Variants in GUCY2C observed in about 807,000 individuals in gnomAD.
The protein encoded by GUCY2C is guanylate cyclase 2C, also known as guanylyl cyclase C.
In GUCY2C, 118 loss-of-function variants were observed where a neutral mutation model predicts 131.1. The ratio of observed to expected loss-of-function variants is 0.90; its 90% CI spans 0.78 to 1.05. The LOEUF (loss-of-function observed/expected upper bound fraction) is 1.05. GUCY2C is among the 50% of genes least tolerant of loss of function. GUCY2C has a pLI of 0.00. For missense variants in GUCY2C, 1,161 were observed against 1,304.4 expected (o/e 0.89, Z 1.69); for synonymous variants, 452 against 457.8 (o/e 0.99, Z 0.16).
chr12:14,676,250 T>G (rs771145035), intron 7 of GUCY2C, among the ~76,000 whole-genome samples: 18 of 152,246 alleles, frequency 1.2e-4, no homozygotes, highest in Non-Finnish European at 2.1e-4. Context: ...TGCATTATAA[T>G]AAGGTGGCCA....
At position 14,683,043 on chromosome 12, in the gene GUCY2C, A is replaced by G. The variant is rs778600889; in HGVS notation, c.610T>C (p.Trp204Arg). 2 of 1,602,576 alleles carry G rather than the reference A, an allele frequency of 1.2e-6. No individual in the cohort carries two copies. The highest frequency in any genetic ancestry group is 1.7e-6 in the Non-Finnish European group (2 of 1,169,686). The part of the protein sequence containing the change: ...KNGTETEDCF[W>R]YLNALEASVS... ...TGAAATATTAATGATCCTGCTTACC[A>G]GAAACAGTCCTCAGTTTCTGTACCA... is the stretch of plus-strand genomic sequence containing the variant. The change falls in exon 4 of 27, where the codon TGG becomes CGG. Residue 204 changes from tryptophan to arginine, a missense_variant and splice_region_variant. By Grantham distance (101) the Trp-to-Arg change is moderately radical. Coordinates refer to ENST00000261170, the MANE Select transcript of GUCY2C (RefSeq NM_004963.4).
At chr12:14,690,900 C>T (rs1295302935) in intron 1 of GUCY2C, among the ~76,000 whole-genome samples, 1 of 152,190 alleles carries the variant, frequency 6.6e-6, no homozygotes, top group Non-Finnish European at 1.5e-5. Context: ...AGTCCACAGT[C>T]CGGCATTATG....
intron 21 of GUCY2C, among the ~76,000 whole-genome samples, chr12:14,622,423 C>G (rs1480938448): frequency 1.3e-5 from 2 of 152,174 alleles, no homozygotes; most frequent in Non-Finnish European, 2.9e-5. Flanking sequence ...CAAGCAGGTT[C>G]AACATTAACT....
chr12:14,622,145 C>T lies in GUCY2C; in HGVS notation c.2461G>A (p.Glu821Lys), dbSNP rs1946909786. ...EKGFVEPELY[E>K]EVTIYFSDIV... ...TCACTGAAGTAGATTGTAACTTCCTCATATAGTTCCGGCTCCACAAAGCCT... is the reference window on the plus strand; with the variant it reads ...TCACTGAAGTAGATTGTAACTTCCTTATATAGTTCCGGCTCCACAAAGCCT... The change falls in exon 22 of 27, where the codon GAG becomes AAG. Residue 821 changes from glutamate to lysine, a missense_variant. By Grantham distance (56) the Glu-to-Lys change is moderately conservative. Coordinates refer to ENST00000261170, the MANE Select transcript of GUCY2C (RefSeq NM_004963.4). 1.9e-6 allele frequency: 3 copies of T among 1,598,922 alleles called. No homozygotes were observed. The highest frequency in any genetic ancestry group is 1.7e-6 in the Non-Finnish European group (2 of 1,174,148).
chr12:14,691,825 T>C (rs1209574556), intron 1 of GUCY2C, among the ~76,000 whole-genome samples: 2 of 152,198 alleles, frequency 1.3e-5, no homozygotes, highest in Non-Finnish European at 2.9e-5. Context: ...CCTCATCCAC[T>C]TGTTAATAGA....
chr12:14,654,568 C>T (rs1426030143), intron 12 of GUCY2C, among the ~76,000 whole-genome samples: 1 of 152,138 alleles, frequency 6.6e-6, no homozygotes, highest in Non-Finnish European at 1.5e-5. Flanking sequence ...ATGAACTAAT[C>T]TGTACTCATA....
chr12:14,614,218 G>A (rs533474485), intron 26 of GUCY2C, among the ~76,000 whole-genome samples: 3 of 152,218 alleles, frequency 2.0e-5, no homozygotes, highest in Admixed American at 2.0e-4. Context: ...CTTTATTGCA[G>A]GGCAATATAG....
intron 16 of GUCY2C, among the ~76,000 whole-genome samples, chr12:14,644,280 C>T (rs368375532): frequency 1.2e-4 from 19 of 152,186 alleles, no homozygotes; most frequent in African/African-American, 2.2e-4. Context: ...GCAGGATAAT[C>T]GCTTGAATTT....
At chr12:14,673,660 C>T (rs376646232) in intron 8 of GUCY2C, among the ~76,000 whole-genome samples, 5 of 152,224 alleles carry the variant, frequency 3.3e-5, no homozygotes, top group East Asian at 3.9e-4. Flanking sequence ...AAGGGTCGTA[C>T]GGCTGGTAGG....
chr12:14,631,270 G>A (rs1565609776), intron 19 of GUCY2C, among the ~76,000 whole-genome samples: 2 of 152,002 alleles, frequency 1.3e-5, no homozygotes, highest in African/African-American at 2.4e-5. Context: ...TAGGGTACAT[G>A]TGCACAATGT....
intron 1 of GUCY2C, 46 bp from the exon 2 acceptor site, chr12:14,688,109 C>G: frequency 8.8e-7 from 1 of 1,139,882 alleles, no homozygotes; most frequent in East Asian, 2.3e-5. Flanking sequence ...TGTTATTTTT[C>G]AGTAATTTAT....
At chr12:14,691,033 A>T (rs866961714) in intron 1 of GUCY2C, among the ~76,000 whole-genome samples, 11 of 152,382 alleles carry the variant, frequency 7.2e-5, no homozygotes, top group Non-Finnish European at 1.3e-4. Flanking sequence ...CCTTTAAAAG[A>T]GCAAAGCATG....
At chr12:14,632,642 G>C (rs1024078905) in intron 19 of GUCY2C, among the ~76,000 whole-genome samples, 1 of 152,140 alleles carries the variant, frequency 6.6e-6, no homozygotes, top group Non-Finnish European at 1.5e-5. Context: ...ATACCGCATG[G>C]ACACCTTGTT....
chr12:14,644,412 T>G (rs933152313), intron 16 of GUCY2C, among the ~76,000 whole-genome samples: 7 of 152,204 alleles, frequency 4.6e-5, no homozygotes, highest in Non-Finnish European at 8.8e-5. Flanking sequence ...TTGGCTGATG[T>G]GCTTCTCTCT....
At position 14,662,435 on chromosome 12, in the gene GUCY2C, G is replaced by A. The variant is rs144773364; in HGVS notation, c.1283-1373C>T. On this transcript the variant is annotated intron_variant, in intron 10 of 26. Transcript: ENST00000261170. ...TCATACCTGTAATCCCAGCACTTTG[G>A]GGGGGCTGAGGGGCCGATCACCTGA... Among the ~76,000 whole-genome samples the A allele has an allele frequency of 3.1e-3, 467 of 152,122 alleles. 1 individual carries two copies. Among genetic ancestry groups the A allele is most frequent in the African/African-American group, 7.0e-3 (291 of 41,512 alleles).
chr12:14,651,948 G>C lies in GUCY2C; in HGVS notation c.1605+11C>G. The C allele has an allele frequency of 6.9e-7, 1 of 1,452,152 alleles. No individual in the cohort carries two copies. Among genetic ancestry groups the C allele is most frequent in the Non-Finnish European group, 9.7e-7 (1 of 1,035,340 alleles). The allele number at this position is 1,452,152 out of a possible 1,614,324, so 90.0% of individuals were successfully genotyped here. A position where few individuals can be genotyped will look rare whatever the true frequency, so the allele number is the denominator to read the frequency against. On this transcript the variant is annotated intron_variant, in intron 14 of 26. Transcript: ENST00000261170. ...GTTATTTCTCAAGGGTTTGAAGTAAGGGCTACATACCTTGTTCAATTCTAT... is the reference window on the plus strand; with the variant it reads ...GTTATTTCTCAAGGGTTTGAAGTAACGGCTACATACCTTGTTCAATTCTAT...
chr12:14,661,060 G>C lies in GUCY2C; in HGVS notation c.1285C>G (p.Pro429Ala). 1.2e-6 allele frequency: 2 copies of C among 1,606,018 alleles called. No homozygotes were observed. Among genetic ancestry groups the C allele is most frequent in the Non-Finnish European group, 1.7e-6 (2 of 1,172,710 alleles). The change falls in exon 11 of 27, where the codon CCT becomes GCT. Residue 429 changes from proline (P) to alanine (A), a missense_variant and splice_region_variant. Coordinates refer to ENST00000261170, the MANE Select transcript of GUCY2C (RefSeq NM_004963.4). ...KLPNDITGRG[P>A]QILMIAVFTL... ...AAGACTGCAATCATCAGGATCTGAG[G>C]GCCTGTGGCGGAAAATGCGTTAGGA...
Position 14,651,522 on chromosome 12 carries a change from G to A in GUCY2C, c.1606-11C>T, listed in dbSNP as rs775183740. On this transcript the variant is annotated splice_polypyrimidine_tract_variant and intron_variant, in intron 14 of 26. Transcript: ENST00000261170. ...GTCAATCTGAAGCAACTAGAAGAAC[G>A]TGTTTGTTTACAAAGCAAATTAGGC... 1 of 1,479,440 alleles carries A rather than the reference G, an allele frequency of 6.8e-7. No individual in the cohort carries two copies. Among genetic ancestry groups the A allele is most frequent in the African/African-American group, 1.4e-5 (1 of 72,328 alleles). 91.6% of individuals were successfully genotyped at this position (1,479,440 alleles called of 1,614,324 possible). A position where few individuals can be genotyped will look rare whatever the true frequency, so the allele number is the denominator to read the frequency against.
intron 15 of GUCY2C, among the ~76,000 whole-genome samples, chr12:14,649,807 CAG>C (rs1464301163): frequency 6.6e-6 from 1 of 152,070 alleles, no homozygotes; most frequent in African/African-American, 2.4e-5. Context: ...TTCAATGAGA[CAG>C]AAATTTTAGA....
Sources: allele counts gnomAD v4.1 joint callset (sites outside exome capture counted in the v4.1 genomes callset), GRCh38; gene constraint gnomAD v4.1.1; transcripts MANE v1.5; gene names NCBI Gene and HGNC (gene_info 2026-07-23, HGNC 2026-07-21).